The following OGFOD2 variants were observed in gnomAD, a reference collection of about 807,000 sequenced individuals.
OGFOD2 encodes the protein 2-oxoglutarate and iron dependent oxygenase domain containing 2.
OGFOD2 carries 34 observed loss-of-function variants against 31.1 expected under a neutral mutation model. The observed-to-expected ratio is 1.09, with a 90% CI of 0.83 to 1.45. OGFOD2 has a LOEUF of 1.45. Ranked by LOEUF, OGFOD2 falls within the 40% of genes most tolerant of loss-of-function variation. The pLI is 0.00. For missense variants in OGFOD2, 537 were observed against 433.9 expected (o/e 1.24, Z -2.11); for synonymous variants, 240 against 192.3 (o/e 1.25, Z -2.05).
At chr12:122,976,273 CCCACTCCCTCCTCCTCCTT>C (rs746024770) in intron 2 of OGFOD2, 1 of 1,099,146 alleles carries the variant, frequency 9.1e-7, no homozygotes. Flanking sequence ...GGGCTGCTGC[CCCACTCCCTCCTCCTCCTT>C]CCCCTGGAGT....
Position 122,977,149 on chromosome 12 carries a change from A to G in OGFOD2, c.403+179A>G, listed in dbSNP as rs568373237. The G allele has an allele frequency of 3.3e-5, 22 of 669,928 alleles. No individual in the cohort carries two copies. In the Middle Eastern group the frequency reaches 9.5e-4, roughly 29 times the overall value. The allele number at this position is 669,928 out of a possible 1,614,324, so 41.5% of individuals were successfully genotyped here. ...CAGGACATCCGCATTCATTCATTCA[A>G]TACCTGCCATGAGCCTGGTATCTTC... On this transcript the variant is annotated intron_variant, in intron 4 of 6. Transcript: ENST00000228922.
rs768298213 is a variant in OGFOD2 at position 122,978,945 on chromosome 12, A to C, written c.724A>C (p.Thr242Pro). Residue 242 changes from threonine to proline, a missense_variant, in exon 6 of 7, where the codon ACC (threonine) becomes CCC (proline). Transcript: ENST00000228922. ...CTGCCACTATGATAATGCCGAGCTC[A>C]CCCTCAATGTGGCCTTGGGCAAGGT... 5 of 1,613,148 alleles carry C rather than the reference A, an allele frequency of 3.1e-6. No individual in the cohort carries two copies. The African/African-American group carries it at 6.7e-5, about 22-fold the overall frequency.
chr12:122,976,625 C>T, intron 2 of OGFOD2, 29 bp from the exon 3 acceptor site: 5 of 1,498,708 alleles, frequency 3.3e-6, no homozygotes, highest in Non-Finnish European at 4.7e-6. Context: ...TGGGAGGCCC[C>T]ACCTGGTAAC....
intron 4 of OGFOD2, 63 bp from the exon 5 acceptor site, chr12:122,978,379 G>A: frequency 1.9e-6 from 3 of 1,594,970 alleles, no homozygotes; most frequent in Non-Finnish European, 2.6e-6. Context: ...CAGGAAGACT[G>A]AAGCCCAGGC....
chr12:122,975,822 C>T, exon 2 of OGFOD2: 1 of 702,974 alleles, frequency 1.4e-6, no homozygotes, highest in Non-Finnish European at 2.6e-6. Flanking sequence ...TCCTGCGCAG[C>T]CGAGGCTGTG....
At chr12:122,975,102 G>C (rs970895094), upstream of OGFOD2, 1 of 509,042 alleles carries the variant, frequency 2.0e-6, no homozygotes, top group East Asian at 3.0e-5. Flanking sequence ...ATCTTTCTCC[G>C]CAGACCGTTT....
At chr12:122,977,522 G>T in intron 4 of OGFOD2, 1 of 199,838 alleles carries the variant, frequency 5.0e-6, no homozygotes, top group South Asian at 7.8e-5. Context: ...GGAGGTTTGC[G>T]TGTTGTTTAA....
chr12:122,979,029 C>A lies in OGFOD2; in HGVS notation c.789+19C>A, dbSNP rs950330467. 1 of 1,608,776 alleles carries A rather than the reference C, an allele frequency of 6.2e-7. No individual in the cohort carries two copies. The highest frequency in any genetic ancestry group is 1.1e-5 in the South Asian group (1 of 90,954). On this transcript the variant is annotated intron_variant, in intron 6 of 6. Coordinates refer to ENST00000228922, the Ensembl canonical transcript of OGFOD2. ...CTTCCAGGTGAGTGTGTGACCCATG[C>A]GGCAGGGCCTGGGGCAGCTGTGAGT...
rs544239922 is a variant in OGFOD2, at chr12:122,975,748, C to A, written c.133-63C>A. 1.0e-4 allele frequency: 70 copies of A among 671,174 alleles called. No individual in the cohort carries two copies. The Admixed American group carries it at 1.1e-3, about 10-fold the overall frequency. 41.6% of individuals were successfully genotyped at this position (671,174 alleles called of 1,614,324 possible). ...CCATTTTAAGCAGGGGAAACTGAGGCTTAGAGAGTGAAGGGATTTCCTCAG... is the reference window on the plus strand; with the variant it reads ...CCATTTTAAGCAGGGGAAACTGAGGATTAGAGAGTGAAGGGATTTCCTCAG... On this transcript the variant is annotated intron_variant, in intron 1 of 6. Coordinates refer to ENST00000228922, the Ensembl canonical transcript of OGFOD2.
intron 1 of OGFOD2, 134 bp from the exon 2 acceptor site, chr12:122,975,677 C>T (rs1024890406): frequency 1.4e-5 from 9 of 643,746 alleles, no homozygotes; most frequent in Non-Finnish European, 2.6e-5. Context: ...GACAGGGTTC[C>T]GCAGTTCATT....
chr12:122,976,681 C>G, exon 3 of OGFOD2: 1 of 1,612,408 alleles, frequency 6.2e-7, no homozygotes. Flanking sequence ...GCGGCGGCAG[C>G]GGCTGGGGCA....
Position 122,979,279 on chromosome 12 carries a change from A to G in OGFOD2, c.986A>G (p.Asp329Gly), listed in dbSNP as rs777801113. Residue 329 changes from aspartate (D) to glycine (G), a missense_variant, in exon 7 of 7, where the codon GAT (aspartate) becomes GGT (glycine). Physicochemically the swap from Asp to Gly is moderately conservative, Grantham distance 94 (BLOSUM62 -1). Transcript: ENST00000228922. ...TGCCGTGAGCCCGACCTGGTGGACGATGAGGGCTTCGGTGATGGCTTCACC... is the reference window on the plus strand; with the variant it reads ...TGCCGTGAGCCCGACCTGGTGGACGGTGAGGGCTTCGGTGATGGCTTCACC... The G allele has an allele frequency of 4.3e-6, 7 of 1,612,918 alleles. No homozygotes were observed. The South Asian group carries it at 7.7e-5, about 18-fold the overall frequency.
chr12:122,977,545 T>C (rs2037468747), intron 4 of OGFOD2: 1 of 191,308 alleles, frequency 5.2e-6, no homozygotes, highest in Non-Finnish European at 1.1e-5. Flanking sequence ...TCTGATTCAG[T>C]TTCCTCATCT....
At chr12:122,975,221 C>G in exon 1 of OGFOD2, 1 of 603,282 alleles carries the variant, frequency 1.7e-6, no homozygotes, top group Non-Finnish European at 3.1e-6. Context: ...AGTCTCTCTA[C>G]GGAAGCTGGT....
upstream of OGFOD2, chr12:122,975,068 C>G (rs1240965151): frequency 2.1e-6 from 1 of 470,950 alleles, no homozygotes; most frequent in Non-Finnish European, 3.8e-6. Context: ...GAGGAGGCCG[C>G]CGGTCCCAAC....
At chr12:122,979,147 G>C in exon 7 of OGFOD2, 2 of 1,609,316 alleles carry the variant, frequency 1.2e-6, no homozygotes. Context: ...GTCCTCCACC[G>C]TGGCGGCCAG....
chr12:122,975,878 C>T lies in OGFOD2; in HGVS notation c.189+11C>T. ...CAGCTGTTAGCAGAGGTACCAGTCC[C>T]CTGCCCCTGCACAGCTCCTCCTCGT... is the stretch of plus-strand genomic sequence containing the variant. On this transcript the variant is annotated intron_variant, in intron 2 of 6. Transcript: ENST00000228922. 3 of 702,466 alleles carry T rather than the reference C, an allele frequency of 4.3e-6. No homozygotes were observed. Among genetic ancestry groups the T allele is most frequent in the Non-Finnish European group, 7.8e-6 (3 of 384,586 alleles). The allele number at this position is 702,466 out of a possible 1,614,324, so 43.5% of individuals were successfully genotyped here. A position where few individuals can be genotyped will look rare whatever the true frequency, so the allele number is the denominator to read the frequency against.
exon 7 of OGFOD2, chr12:122,979,309 A>C (rs763545154): frequency 5.6e-6 from 9 of 1,612,178 alleles, no homozygotes; most frequent in Middle Eastern, 1.6e-4. Context: ...TTCACCCGAG[A>C]GGAGCCCGCC....
intron 1 of OGFOD2, chr12:122,975,604 G>A (rs2037395369): frequency 1.7e-6 from 1 of 602,068 alleles, no homozygotes; most frequent in South Asian, 1.9e-5. Flanking sequence ...GGGTGCTTAG[G>A]ACAGGGCCGG....
Sources: allele counts gnomAD v4.1 joint callset, GRCh38; gene constraint gnomAD v4.1.1; transcripts MANE v1.5; gene names NCBI Gene and HGNC (gene_info 2026-07-23, HGNC 2026-07-21).